RAP1GAP2: variants seen among roughly 807,000 people sequenced by gnomAD.
RAP1GAP2 encodes RAP1 GTPase activating protein 2.
In RAP1GAP2, 27 loss-of-function variants were observed where a neutral mutation model predicts 95.0. The observed-to-expected ratio is 0.28, with a 90% confidence interval of 0.21 to 0.39. RAP1GAP2 has a LOEUF of 0.39. RAP1GAP2 is among the 10% of genes least tolerant of loss of function. The pLI is 1.00. For synonymous variants in RAP1GAP2, 373 were observed against 380.9 expected (o/e 0.98, Z 0.24); for missense variants, 771 against 970.0 (o/e 0.79, Z 2.72).
At chr17:2,821,986 A>G (rs899536437) in intron 2 of RAP1GAP2, among the ~76,000 whole-genome samples, 1 of 152,126 alleles carries the variant, frequency 6.6e-6, no homozygotes, top group Non-Finnish European at 1.5e-5. Flanking sequence ...AGGCATCTGA[A>G]CCGCATAAAG....
intron 2 of RAP1GAP2, among the ~76,000 whole-genome samples, chr17:2,881,756 T>C (rs545956444): frequency 3.2e-4 from 49 of 152,352 alleles, no homozygotes; most frequent in African/African-American, 1.1e-3. Context: ...TTTATTGTTA[T>C]CTGTTTTTTT....
chr17:2,976,481 A>G (rs1445986365), intron 8 of RAP1GAP2, among the ~76,000 whole-genome samples: 1 of 152,212 alleles, frequency 6.6e-6, no homozygotes, highest in East Asian at 1.9e-4. Flanking sequence ...AAATCACAAA[A>G]GAACTGACAA....
chr17:2,958,025 C>T (rs2044184837), intron 4 of RAP1GAP2, among the ~76,000 whole-genome samples: 1 of 152,076 alleles, frequency 6.6e-6, no homozygotes, highest in Admixed American at 6.5e-5. Flanking sequence ...GCAGAACTTC[C>T]CCAGCAGGGC....
intron 2 of RAP1GAP2, among the ~76,000 whole-genome samples, chr17:2,894,475 G>T (rs1187409307): frequency 6.6e-6 from 1 of 152,116 alleles, no homozygotes; most frequent in African/African-American, 2.4e-5. Flanking sequence ...CCTACATGCT[G>T]TCCCTGAGGG....
chr17:2,880,132 C>T (rs893778900), intron 2 of RAP1GAP2, among the ~76,000 whole-genome samples: 4 of 152,112 alleles, frequency 2.6e-5, no homozygotes, highest in East Asian at 1.9e-4. Context: ...TGGATGACAT[C>T]GGAAGGGAGG....
intron 2 of RAP1GAP2, among the ~76,000 whole-genome samples, chr17:2,884,874 A>T (rs967744305): frequency 6.6e-6 from 1 of 152,182 alleles, no homozygotes; most frequent in African/African-American, 2.4e-5. Flanking sequence ...ACACAAGTGT[A>T]AAGTCTTTCT....
At chr17:2,845,132 AG>A (rs1342819043) in intron 2 of RAP1GAP2, among the ~76,000 whole-genome samples, 1 of 152,104 alleles carries the variant, frequency 6.6e-6, no homozygotes, top group East Asian at 1.9e-4. Flanking sequence ...GCAGTGCCTC[AG>A]TCTTTTTTTG....
chr17:2,952,929 C>T (rs372009666), intron 3 of RAP1GAP2, among the ~76,000 whole-genome samples: 10 of 152,046 alleles, frequency 6.6e-5, no homozygotes, highest in Middle Eastern at 3.4e-3. Context: ...CTCAGCCTTC[C>T]GAGTAGCTGG....
At position 2,928,146 on chromosome 17, in the gene RAP1GAP2, A is replaced by G. The variant is rs546865994; in HGVS notation, c.165+22778A>G. On this transcript the variant is annotated intron_variant, in intron 3 of 24. Coordinates refer to ENST00000254695, the MANE Select transcript of RAP1GAP2 (RefSeq NM_015085.5). Reference sequence around the variant, plus strand: ...AAAAGACTTATGTTAAGCTTTGCCCAGCTCTGATTTGGACTTGCCCAATTT... The same window carrying G: ...AAAAGACTTATGTTAAGCTTTGCCCGGCTCTGATTTGGACTTGCCCAATTT... Among the ~76,000 whole-genome samples the G allele has an allele frequency of 8.5e-5, 13 of 152,310 alleles. No homozygotes were observed. In the South Asian group the frequency reaches 1.2e-3, roughly 15 times the overall value.
At chr17:2,818,966 G>A (rs112226282) in intron 2 of RAP1GAP2, among the ~76,000 whole-genome samples, 21 of 152,114 alleles carry the variant, frequency 1.4e-4, no homozygotes, top group African/African-American at 4.8e-4. Flanking sequence ...GACACAGGAT[G>A]GATATATTAC....
chr17:2,811,113 C>G (rs1017836542), intron 2 of RAP1GAP2, among the ~76,000 whole-genome samples: 2 of 152,116 alleles, frequency 1.3e-5, no homozygotes, highest in African/African-American at 2.4e-5. Flanking sequence ...TGGAAGGCTG[C>G]TTTTTCACCC....
At chr17:2,936,316 T>C (rs1238551134) in intron 3 of RAP1GAP2, among the ~76,000 whole-genome samples, 1 of 137,038 alleles carries the variant, frequency 7.3e-6, no homozygotes, top group East Asian at 2.2e-4. Flanking sequence ...TCATGCCTCC[T>C]TCTTTGCTTG....
intron 2 of RAP1GAP2, among the ~76,000 whole-genome samples, chr17:2,843,996 C>T (rs1025154418): frequency 4.6e-5 from 7 of 151,812 alleles, no homozygotes; most frequent in African/African-American, 1.2e-4. Context: ...GGAAGATGGC[C>T]GGCGCGCTTT....
At chr17:2,993,805 C>T (rs868824850) in intron 12 of RAP1GAP2, among the ~76,000 whole-genome samples, 18 of 152,012 alleles carry the variant, frequency 1.2e-4, no homozygotes, top group African/African-American at 3.9e-4. Flanking sequence ...GAGGCCGAGG[C>T]GGGTGGATCG....
In RAP1GAP2 at chr17:2,849,998, G is replaced by GTTTT. The variant is rs1363363543; in HGVS notation, c.80+49448_80+49449insTTTT. ...GTGTCACTAACACCTAACACTGCCT[G>GTTTT]CTTTTTTTTTTTTTTTTTTTGAGAT... On this transcript the variant is annotated intron_variant, in intron 2 of 24. Coordinates refer to ENST00000254695, the MANE Select transcript of RAP1GAP2 (RefSeq NM_015085.5). Among the ~76,000 whole-genome samples the GTTTT allele has an allele frequency of 2.7e-4, 37 of 136,124 alleles. 3 individuals are homozygous for GTTTT. Among genetic ancestry groups the GTTTT allele is most frequent in the South Asian group, 2.3e-4 (1 of 4,370 alleles). 89.3% of individuals were successfully genotyped at this position (136,124 alleles called of 152,430 possible). A position where few individuals can be genotyped will look rare whatever the true frequency, so the allele number is the denominator to read the frequency against.
At chr17:2,991,179 G>A in intron 11 of RAP1GAP2, 118 bp from the exon 12 acceptor site, 2 of 799,158 alleles carry the variant, frequency 2.5e-6, no homozygotes, top group East Asian at 2.7e-5. Flanking sequence ...TATGGTGGAT[G>A]TGCTGGGAGA....
upstream of RAP1GAP2, among the ~76,000 whole-genome samples, chr17:2,794,002 G>C (rs113507928): frequency 0.01 from 1,582 of 151,926 alleles, 25 homozygotes; most frequent in African/African-American, 0.035. Flanking sequence ...GGGAGGCTGA[G>C]GCAGGGGAAT....
At chr17:2,856,542 G>T (rs2072144629) in intron 2 of RAP1GAP2, among the ~76,000 whole-genome samples, 1 of 152,170 alleles carries the variant, frequency 6.6e-6, no homozygotes, top group Admixed American at 6.5e-5. Context: ...GATGTCCGGT[G>T]GTGACAGCCC....
intron 2 of RAP1GAP2, among the ~76,000 whole-genome samples, chr17:2,881,645 A>G (rs999476039): frequency 3.3e-5 from 5 of 152,202 alleles, no homozygotes; most frequent in African/African-American, 1.2e-4. Flanking sequence ...TGTTTTCTGG[A>G]GTGGAATTGC....
Sources: allele counts gnomAD v4.1 joint callset (sites outside exome capture counted in the v4.1 genomes callset), GRCh38; gene constraint gnomAD v4.1.1; transcripts MANE v1.5; gene names NCBI Gene and HGNC (gene_info 2026-07-23, HGNC 2026-07-21).